Variants in TBC1D19 observed in about 807,000 individuals in gnomAD.
TBC1D19 encodes the protein TBC1 domain family member 19.
TBC1D19 carries 60 observed loss-of-function variants against 89.0 expected under a neutral mutation model. That is an observed-to-expected ratio of 0.67 (90% CI 0.55 to 0.84). The LOEUF is 0.84. TBC1D19 is among the 40% of genes least tolerant of loss of function. The probability of loss-of-function intolerance (pLI) is 0.00; values close to 1 mark genes in which losing one functional copy is unlikely to be tolerated. For synonymous variants in TBC1D19, 189 were observed against 199.7 expected (o/e 0.95, Z 0.45); for missense variants, 500 against 610.8 (o/e 0.82, Z 1.91).
At chr4:26,746,875 G>T (rs921454443) in intron 18 of TBC1D19, among the ~76,000 whole-genome samples, 4 of 152,092 alleles carry the variant, frequency 2.6e-5, no homozygotes. Flanking sequence ...GAACACAGGC[G>T]CTGTGATACC....
At chr4:26,655,954 C>T (rs1043675457) in intron 7 of TBC1D19, among the ~76,000 whole-genome samples, 14 of 152,186 alleles carry the variant, frequency 9.2e-5, no homozygotes, top group African/African-American at 3.4e-4. Context: ...CGTTCGTCTT[C>T]TGCGTCGCTC....
At chr4:26,793,722 CAAAAAA>C in the TBC1D19 span, among the ~76,000 whole-genome samples, 6 of 78,986 alleles carry the variant, frequency 7.6e-5, no homozygotes, top group South Asian at 4.3e-4. Context: ...GACTTCGTCT[CAAAAAA>C]AAAAAAAAAA....
intron 15 of TBC1D19, among the ~76,000 whole-genome samples, chr4:26,732,530 G>T (rs1717729517): frequency 6.6e-6 from 1 of 152,244 alleles, no homozygotes; most frequent in African/African-American, 2.4e-5. Flanking sequence ...TGTGTGGAAT[G>T]ATGCATGTGC....
At chr4:26,745,028 C>G (rs774925525) in intron 18 of TBC1D19, among the ~76,000 whole-genome samples, 4 of 152,054 alleles carry the variant, frequency 2.6e-5, no homozygotes. Flanking sequence ...TTTTTCTTCA[C>G]GTATTTGGAT....
intron 13 of TBC1D19, among the ~76,000 whole-genome samples, chr4:26,689,732 T>C (rs558728626): frequency 1.1e-4 from 16 of 152,170 alleles, no homozygotes; most frequent in Non-Finnish European, 2.1e-4. Context: ...AATTGATAAA[T>C]GCATGTGTTC....
chr4:26,822,215 G>T, the TBC1D19 span, among the ~76,000 whole-genome samples: 2 of 152,198 alleles, frequency 1.3e-5, no homozygotes, highest in Non-Finnish European at 2.9e-5. Flanking sequence ...CAAAAGCCTG[G>T]CTCTGAAGGG....
At chr4:26,585,067 C>A in intron 1 of TBC1D19, 1 of 287,720 alleles carries the variant, frequency 3.5e-6, no homozygotes, top group Non-Finnish European at 7.1e-6. Flanking sequence ...GGGTTGCTTT[C>A]TGGTTTTAGA....
chr4:26,614,813 G>T (rs1246565621), intron 3 of TBC1D19, among the ~76,000 whole-genome samples: 1 of 152,042 alleles, frequency 6.6e-6, no homozygotes, highest in Middle Eastern at 3.2e-3. Context: ...AAGTTGCTGG[G>T]ATTACAGGCC....
chr4:26,855,366 CTCT>C, the TBC1D19 span, among the ~76,000 whole-genome samples: 1 of 152,142 alleles, frequency 6.6e-6, no homozygotes, highest in Non-Finnish European at 1.5e-5. Context: ...TCAAAACGAG[CTCT>C]TGTTTTTCAT....
intron 7 of TBC1D19, among the ~76,000 whole-genome samples, chr4:26,659,035 C>A (rs544967711): frequency 2.1e-4 from 32 of 152,102 alleles, no homozygotes; most frequent in Non-Finnish European, 3.7e-4. Context: ...TGCAAACAGA[C>A]AATTTGACTT....
At chr4:26,789,003 C>T in the TBC1D19 span, among the ~76,000 whole-genome samples, 3 of 152,074 alleles carry the variant, frequency 2.0e-5, no homozygotes, top group Non-Finnish European at 2.9e-5. Context: ...CTTTTTTTCC[C>T]TTTTTTCATT....
At chr4:26,786,596 C>T in the TBC1D19 span, among the ~76,000 whole-genome samples, 1 of 152,086 alleles carries the variant, frequency 6.6e-6, no homozygotes, top group African/African-American at 2.4e-5. Context: ...GGGGGTGGTG[C>T]TGCAAACACA....
chr4:26,844,579 T>C, the TBC1D19 span, among the ~76,000 whole-genome samples: 1 of 152,240 alleles, frequency 6.6e-6, no homozygotes, highest in Non-Finnish European at 1.5e-5. Context: ...CTCAGGATCA[T>C]TATTACAAAT....
At chr4:26,661,022 C>T (rs141327633) in intron 8 of TBC1D19, among the ~76,000 whole-genome samples, 3 of 152,202 alleles carry the variant, frequency 2.0e-5, no homozygotes, top group South Asian at 2.1e-4. Flanking sequence ...AATGGAGGTA[C>T]CACATGTCAG....
the TBC1D19 span, among the ~76,000 whole-genome samples, chr4:26,805,063 G>A: frequency 6.6e-6 from 1 of 152,302 alleles, no homozygotes; most frequent in South Asian, 2.1e-4. Context: ...TCTTCCCACG[G>A]ATGCTGGAAC....
chr4:26,723,145 TC>T (rs1194561369), intron 15 of TBC1D19, among the ~76,000 whole-genome samples: 1 of 152,146 alleles, frequency 6.6e-6, no homozygotes, highest in East Asian at 1.9e-4. Flanking sequence ...TTCTACAGAA[TC>T]ATTTCTCCTC....
chr4:26,746,398 T>C (rs1374583352), intron 18 of TBC1D19, among the ~76,000 whole-genome samples: 1 of 152,084 alleles, frequency 6.6e-6, no homozygotes, highest in East Asian at 1.9e-4. Flanking sequence ...TTTTTCTGTA[T>C]TGTGTAGATT....
chr4:26,616,047 C>G (rs193042656), intron 3 of TBC1D19, among the ~76,000 whole-genome samples: 1 of 151,890 alleles, frequency 6.6e-6, no homozygotes, highest in African/African-American at 2.4e-5. Context: ...TTCTGAATAA[C>G]TCGTTGGGAT....
At chr4:26,673,444 T>TAC (rs149722432) in intron 10 of TBC1D19, among the ~76,000 whole-genome samples, 1,536 of 78,286 alleles carry the variant, frequency 0.02, 15 homozygotes, top group African/African-American at 0.024. Flanking sequence ...TATATATATA[T>TAC]ATACACACAC....
Sources: allele counts gnomAD v4.1 joint callset (sites outside exome capture counted in the v4.1 genomes callset), GRCh38; gene constraint gnomAD v4.1.1; transcripts MANE v1.5; gene names NCBI Gene and HGNC (gene_info 2026-07-23, HGNC 2026-07-21).